The following ZCCHC17 variants were observed in gnomAD, a reference collection of about 807,000 sequenced individuals.
ZCCHC17 encodes the protein zinc finger CCHC-type containing 17.
In ZCCHC17, 18 loss-of-function variants were observed where a neutral mutation model predicts 30.6. The observed-to-expected ratio is 0.59, with a 90% CI of 0.41 to 0.87. The LOEUF is 0.87. ZCCHC17 is among the 40% of genes least tolerant of loss of function. ZCCHC17 has a pLI of 0.00. For synonymous variants in ZCCHC17, 88 were observed against 92.4 expected (o/e 0.95, Z 0.27); for missense variants, 263 against 284.2 (o/e 0.93, Z 0.54).
At chr1:31,341,584 A>G (rs542440956) in intron 5 of ZCCHC17, among the ~76,000 whole-genome samples, 2 of 152,338 alleles carry the variant, frequency 1.3e-5, no homozygotes, top group African/African-American at 4.8e-5. Context: ...CTTTTGTTGT[A>G]AATTATGTCT....
rs548837189 is a variant in ZCCHC17, at chr1:31,337,820, A to G, written c.225+545A>G. ...AAGAGCATACACTGAGTCCTGTTCT[A>G]CCAGAGACAGCACAGGAGATAGGCA... On this transcript the variant is annotated intron_variant, in intron 4 of 7. Coordinates refer to ENST00000344147, the MANE Select transcript of ZCCHC17 (RefSeq NM_016505.4). Among the ~76,000 whole-genome samples the G allele has an allele frequency of 2.6e-5, 4 of 152,306 alleles. No homozygotes were observed. The South Asian group carries it at 8.3e-4, about 32-fold the overall frequency.
At chr1:31,343,549 A>T (rs1639125810) in intron 5 of ZCCHC17, among the ~76,000 whole-genome samples, 2 of 152,266 alleles carry the variant, frequency 1.3e-5, no homozygotes, top group South Asian at 4.1e-4. Context: ...CTCAGGTCCC[A>T]AAGTGTTAAT....
At chr1:31,362,511 G>A (rs1472593072) in intron 7 of ZCCHC17, among the ~76,000 whole-genome samples, 1 of 152,156 alleles carries the variant, frequency 6.6e-6, no homozygotes, top group Non-Finnish European at 1.5e-5. Context: ...GTATGGGTTT[G>A]TACTGTTACT....
chr1:31,310,198 T>C (rs1646566692), intron 2 of ZCCHC17, 34 bp downstream of exon 2: 1 of 1,605,700 alleles, frequency 6.2e-7, no homozygotes, highest in African/African-American at 1.3e-5. Flanking sequence ...ACCCACCATT[T>C]ATGTTAAAAT....
At chr1:31,362,955 G>A (rs189700659) in intron 7 of ZCCHC17, among the ~76,000 whole-genome samples, 4 of 152,220 alleles carry the variant, frequency 2.6e-5, no homozygotes, top group Admixed American at 1.3e-4. Context: ...CTTATTACCA[G>A]TTTGATGTAT....
intron 3 of ZCCHC17, 136 bp downstream of exon 3, chr1:31,319,302 G>T: frequency 1.5e-6 from 1 of 674,262 alleles, no homozygotes; most frequent in Non-Finnish European, 2.4e-6. Flanking sequence ...GTATAGATAT[G>T]AATACAAGAT....
intron 7 of ZCCHC17, among the ~76,000 whole-genome samples, chr1:31,360,238 T>C (rs1243963531): frequency 2.6e-5 from 4 of 151,950 alleles, no homozygotes; most frequent in African/African-American, 9.7e-5. Flanking sequence ...GGCGCGATCT[T>C]GGCTCACCAA....
chr1:31,298,724 G>A (rs1282848476), intron 1 of ZCCHC17, among the ~76,000 whole-genome samples: 1 of 152,196 alleles, frequency 6.6e-6, no homozygotes, highest in African/African-American at 2.4e-5. Context: ...ATTGTGTGGG[G>A]TCATTCATGA....
intron 1 of ZCCHC17, among the ~76,000 whole-genome samples, chr1:31,297,696 C>T (rs1410390156): frequency 1.3e-5 from 2 of 152,184 alleles, no homozygotes; most frequent in Non-Finnish European, 2.9e-5. Context: ...CCTCCTACTG[C>T]TGCCTGATGC....
intron 6 of ZCCHC17, among the ~76,000 whole-genome samples, chr1:31,347,852 C>T (rs936622325): frequency 2.6e-5 from 4 of 152,168 alleles, no homozygotes; most frequent in African/African-American, 9.7e-5. Flanking sequence ...AGTGATCCTC[C>T]TGCCTCAGCC....
rs1470421517 is a variant in ZCCHC17, at chr1:31,338,962, A to C, written c.231A>C (p.Lys77Asn). The C allele has an allele frequency of 1.2e-6, 2 of 1,604,032 alleles. No individual in the cohort carries two copies. Among genetic ancestry groups the C allele is most frequent in the South Asian group, 2.3e-5 (2 of 88,314 alleles). Reference protein sequence around the residue: ...VWVKLIGREMKNDRIKVSLSM... With the variant: ...VWVKLIGREMNNDRIKVSLSM... ...CTTTTTTTGGTCTCTTTCAGATGAAAAATGATAGAATAAAAGTATCCCTCT... is the reference window on the plus strand; with the variant it reads ...CTTTTTTTGGTCTCTTTCAGATGAACAATGATAGAATAAAAGTATCCCTCT... The change falls in exon 5 of 8, where the codon AAA becomes AAC. Residue 77 changes from lysine (K) to asparagine (N), a missense_variant. Transcript: ENST00000344147.
chr1:31,339,694 A>G (rs1432541163), intron 5 of ZCCHC17, among the ~76,000 whole-genome samples: 1 of 152,044 alleles, frequency 6.6e-6, no homozygotes, highest in East Asian at 1.9e-4. Context: ...ATGAAGAACT[A>G]TTCTTTACCT....
At chr1:31,315,327 C>T (rs1271535482) in intron 2 of ZCCHC17, among the ~76,000 whole-genome samples, 2 of 152,146 alleles carry the variant, frequency 1.3e-5, no homozygotes, top group Non-Finnish European at 2.9e-5. Flanking sequence ...GTGTTTCAGC[C>T]CATGTCCCAG....
At chr1:31,345,301 C>T (rs561038225) in intron 5 of ZCCHC17, among the ~76,000 whole-genome samples, 138 of 151,328 alleles carry the variant, frequency 9.1e-4, no homozygotes, top group African/African-American at 3.2e-3. Flanking sequence ...GGACTACAGG[C>T]GCCCGCCACC....
intron 3 of ZCCHC17, among the ~76,000 whole-genome samples, chr1:31,323,327 CT>C (rs969676471): frequency 1.8e-4 from 27 of 149,200 alleles, no homozygotes; most frequent in South Asian, 2.1e-4. Context: ...TTCTTTCTTT[CT>C]TTTTTTTTTT....
chr1:31,318,854 G>A (rs1646794892), intron 2 of ZCCHC17, among the ~76,000 whole-genome samples: 1 of 152,082 alleles, frequency 6.6e-6, no homozygotes, highest in South Asian at 2.1e-4. Context: ...TATAGGATTT[G>A]GGTATTCCTC....
At chr1:31,359,934 T>C (rs572939200) in intron 7 of ZCCHC17, among the ~76,000 whole-genome samples, 23 of 152,268 alleles carry the variant, frequency 1.5e-4, no homozygotes, top group African/African-American at 5.3e-4. Context: ...ATCTTCTGGC[T>C]CTCAGTCTTC....
chr1:31,304,335 G>A (rs1455438391), intron 1 of ZCCHC17, among the ~76,000 whole-genome samples: 3 of 151,470 alleles, frequency 2.0e-5, no homozygotes, highest in Non-Finnish European at 2.9e-5. Flanking sequence ...CCAGGGTGGA[G>A]TGCAGTGGCA....
intron 5 of ZCCHC17, among the ~76,000 whole-genome samples, chr1:31,345,882 A>G (rs999655834): frequency 6.6e-6 from 1 of 151,918 alleles, no homozygotes; most frequent in African/African-American, 2.4e-5. Flanking sequence ...ACCTCCCACA[A>G]GGTCCCTCCC....
Sources: gnomAD v4.1 joint callset for allele counts (sites outside exome capture counted in the v4.1 genomes callset) on GRCh38, gnomAD v4.1.1 for gene constraint, MANE v1.5 for transcripts, NCBI Gene and HGNC (gene_info 2026-07-23, HGNC 2026-07-21) for gene names.